The following SMUG1 variants were observed in gnomAD, a reference collection of about 807,000 sequenced individuals.
The protein encoded by SMUG1 is single-strand selective monofunctional uracil DNA glycosylase.
Under a neutral mutation model 23.9 loss-of-function variants are expected in SMUG1, and 13 were observed. The ratio of observed to expected loss-of-function variants is 0.54; its 90% CI spans 0.35 to 0.86. The LOEUF (loss-of-function observed/expected upper bound fraction) is 0.86, where lower values mean the gene tolerates loss of function less well. Among genes scored for constraint, SMUG1 ranks in the 40% least tolerant of loss-of-function variants. The probability of loss-of-function intolerance (pLI) is 0.01; values close to 1 mark genes in which losing one functional copy is unlikely to be tolerated. For missense variants in SMUG1, 313 were observed against 339.5 expected (o/e 0.92, Z 0.61); for synonymous variants, 133 against 139.8 (o/e 0.95, Z 0.34).
At chr12:54,178,758 G>C (rs1940813062), downstream of SMUG1, among the ~76,000 whole-genome samples, 1 of 152,184 alleles carries the variant, frequency 6.6e-6, no homozygotes, top group South Asian at 2.1e-4. Context: ...AAGCCAATAG[G>C]AATCTACTTG....
intron 3 of SMUG1, among the ~76,000 whole-genome samples, chr12:54,171,683 T>A (rs763661507): frequency 1.1e-5 from 1 of 88,934 alleles, no homozygotes; most frequent in Non-Finnish European, 2.1e-5. Context: ...TAGAGTCTTG[T>A]CTCAAAAAAA....
rs930576123 is a variant in SMUG1 at position 54,167,368 on chromosome 12, AAAAC to A, written c.*53-1894_*53-1891del. ...TAGCTCTTTCCCAGAGGGAAAACAA[AAAAC>A]AAACAAACAGGAAAACCTCACTCCA... is the stretch of plus-strand genomic sequence containing the variant. On this transcript the variant is annotated intron_variant and NMD_transcript_variant, in intron 3 of 4. Transcript: ENST00000509864. Among the ~76,000 whole-genome samples, 10 of 152,196 alleles carry A rather than the reference AAAAC, an allele frequency of 6.6e-5. No homozygotes were observed. In the East Asian group the frequency reaches 9.6e-4, roughly 15 times the overall value.
intron 2 of SMUG1, among the ~76,000 whole-genome samples, 197 bp downstream of exon 2, chr12:54,187,622 C>T (rs867713839): frequency 1.5e-4 from 23 of 152,324 alleles, no homozygotes; most frequent in Middle Eastern, 6.8e-3. Context: ...TTTCATTGTT[C>T]CATAACTTCA....
Position 54,181,810 on chromosome 12 carries a change from T to C in SMUG1, c.*286A>G. 1 of 1,427,172 alleles carries C rather than the reference T, an allele frequency of 7.0e-7. No individual in the cohort carries two copies. The highest frequency in any genetic ancestry group is 9.1e-7 in the Non-Finnish European group (1 of 1,095,938). 88.4% of individuals were successfully genotyped at this position (1,427,172 alleles called of 1,614,324 possible). A position where few individuals can be genotyped will look rare whatever the true frequency, so the allele number is the denominator to read the frequency against. On this transcript the variant is annotated 3_prime_UTR_variant, in exon 4 of 4. Transcript: ENST00000682136. The stretch of plus-strand genomic sequence containing the variant: ...AAGGAAACACTGAGGTAGAGCAGTC[T>C]GCAAGTGCAAAAGCACACCTTCTGC...
At chr12:54,171,824 G>A (rs1238509809) in intron 3 of SMUG1, among the ~76,000 whole-genome samples, 6 of 151,894 alleles carry the variant, frequency 4.0e-5, no homozygotes, top group African/African-American at 1.5e-4. Flanking sequence ...CTCCTCCTGT[G>A]GTATTTCCCC....
intron 3 of SMUG1, chr12:54,165,489 T>C (rs1276468239): frequency 1.3e-5 from 2 of 152,088 alleles, no homozygotes; most frequent in Admixed American, 6.6e-5. Context: ...CTAGGGAATA[T>C]AGTGAGACAC....
chr12:54,158,793 G>A (rs1165128725), intron 4 of SMUG1, among the ~76,000 whole-genome samples: 1 of 151,818 alleles, frequency 6.6e-6, no homozygotes, highest in Non-Finnish European at 1.5e-5. Flanking sequence ...TATTTGCCAC[G>A]AGCCACCCAC....
chr12:54,187,379 T>C (rs1319905582), intron 2 of SMUG1: 13 of 152,378 alleles, frequency 8.5e-5, no homozygotes, highest in Admixed American at 7.2e-4. Context: ...TTAACTGATC[T>C]GTTGTCCAGG....
downstream of SMUG1, among the ~76,000 whole-genome samples, chr12:54,178,164 A>G (rs1416672976): frequency 4.6e-5 from 7 of 152,192 alleles, no homozygotes; most frequent in Non-Finnish European, 1.0e-4. Flanking sequence ...CCTGGACTTA[A>G]CGGGCTCCAG....
downstream of SMUG1, among the ~76,000 whole-genome samples, chr12:54,179,279 G>T (rs1940828444): frequency 6.6e-6 from 1 of 152,112 alleles, no homozygotes; most frequent in Non-Finnish European, 1.5e-5. Context: ...ATATATACAT[G>T]TATCATTAGT....
At chr12:54,165,193 A>T (rs1229626749) in intron 4 of SMUG1, among the ~76,000 whole-genome samples, 3 of 152,178 alleles carry the variant, frequency 2.0e-5, no homozygotes, top group African/African-American at 7.2e-5. Flanking sequence ...CTCTCATGGC[A>T]ACCCCTCCAA....
chr12:54,179,284 A>G (rs1221235732), downstream of SMUG1, among the ~76,000 whole-genome samples: 1 of 152,166 alleles, frequency 6.6e-6, no homozygotes, highest in African/African-American at 2.4e-5. Context: ...TACATGTATC[A>G]TTAGTTCTGT....
In SMUG1 at chr12:54,182,039, T is replaced by C; in HGVS notation, c.*57A>G. ...GTCCAGGAGATGTGTTGTCATCTGC[T>C]TGGCCAAGAATGACTTCGAGGTCTT... On this transcript the variant is annotated 3_prime_UTR_variant, in exon 4 of 4. Coordinates refer to ENST00000682136, the MANE Select transcript of SMUG1 (RefSeq NM_001243787.2). 6.6e-7 allele frequency: 1 copy of C among 1,513,868 alleles called. No homozygotes were observed. The highest frequency in any genetic ancestry group is 8.8e-7 in the Non-Finnish European group (1 of 1,132,624). The allele number at this position is 1,513,868 out of a possible 1,614,324, so 93.8% of individuals were successfully genotyped here.
chr12:54,183,452 CA>C (rs1245788711), intron 3 of SMUG1: 10 of 598,156 alleles, frequency 1.7e-5, no homozygotes, highest in Non-Finnish European at 2.7e-5. Context: ...ACGAAACTAC[CA>C]TTAATGTGCT....
chr12:54,181,266 C>T lies in SMUG1; in HGVS notation c.*830G>A. On this transcript the variant is annotated 3_prime_UTR_variant, in exon 4 of 4. Transcript: ENST00000682136. ...CTGGCCGCAGGTGGAAGCCCAGACTCTCTCCTAGCAAGGTATCCAGAATGG... is the reference window on the plus strand; with the variant it reads ...CTGGCCGCAGGTGGAAGCCCAGACTTTCTCCTAGCAAGGTATCCAGAATGG... 1 of 374,790 alleles carries T rather than the reference C, an allele frequency of 2.7e-6. No homozygotes were observed. Among genetic ancestry groups the T allele is most frequent in the Non-Finnish European group, 4.8e-6 (1 of 207,060 alleles). 23.2% of individuals were successfully genotyped at this position (374,790 alleles called of 1,614,324 possible).
intron 4 of SMUG1, among the ~76,000 whole-genome samples, chr12:54,158,983 C>T (rs1565795535): frequency 1.3e-5 from 2 of 152,174 alleles, no homozygotes. Flanking sequence ...ATTTAATATC[C>T]TATCCCAGTT....
At chr12:54,158,665 T>G (rs1311052285) in intron 4 of SMUG1, among the ~76,000 whole-genome samples, 1 of 152,138 alleles carries the variant, frequency 6.6e-6, no homozygotes, top group African/African-American at 2.4e-5. Context: ...CCTCCCACAC[T>G]GATGTGTCAC....
chr12:54,183,489 G>A, intron 3 of SMUG1, 167 bp downstream of exon 3: 2 of 670,202 alleles, frequency 3.0e-6, no homozygotes, highest in South Asian at 1.9e-5. Flanking sequence ...AGAGACGCTG[G>A]GAGAGGGCCT....
rs1164398691 is a variant in SMUG1, at chr12:54,182,522, C to T, written c.387G>A (p.Leu129=). 3 of 1,614,130 alleles carry T rather than the reference C, an allele frequency of 1.9e-6. No homozygotes were observed. The highest frequency in any genetic ancestry group is 1.6e-4 in the Middle Eastern group (1 of 6,062). ...QEHPKRPVLG[L]ECPQSEVSGA... Reference sequence around the variant, plus strand: ...CACTCACTTCTGACTGTGGGCACTCCAGTCCCAGCACTGGTCGTTTAGGAT... The same window carrying T: ...CACTCACTTCTGACTGTGGGCACTCTAGTCCCAGCACTGGTCGTTTAGGAT... Residue 129 remains leucine, a synonymous_variant, in exon 4 of 4, where the codon CTG becomes CTA. Transcript: ENST00000682136.
Sources: allele counts gnomAD v4.1 joint callset (sites outside exome capture counted in the v4.1 genomes callset), GRCh38; gene constraint gnomAD v4.1.1; transcripts MANE v1.5; gene names NCBI Gene and HGNC (gene_info 2026-07-23, HGNC 2026-07-21).